Variants in NPLOC4 observed in about 807,000 individuals in gnomAD.
NPLOC4 encodes the protein NPL4 homolog, ubiquitin recognition factor.
NPLOC4 carries 18 observed loss-of-function variants against 80.6 expected under a neutral mutation model. The observed-to-expected ratio is 0.22, with a 90% CI of 0.15 to 0.33. NPLOC4 has a LOEUF of 0.33. NPLOC4 is among the 10% of genes least tolerant of loss of function. The pLI, the probability that NPLOC4 is intolerant of heterozygous loss-of-function variation, is 1.00. For synonymous variants in NPLOC4, 313 were observed against 301.5 expected, an observed-to-expected ratio of 1.04 and a Z score of -0.39; for missense variants, 540 against 786.1, an observed-to-expected ratio of 0.69 and a Z score of 3.74.
At position 81,573,807 on chromosome 17, in the gene NPLOC4, G is replaced by A. The variant is rs150833404; in HGVS notation, c.1282-1719C>T. Among the ~76,000 whole-genome samples, 376 of 152,196 alleles carry A rather than the reference G, an allele frequency of 2.5e-3. 2 individuals carry two copies. Among genetic ancestry groups the A allele is most frequent in the African/African-American group, 8.4e-3 (348 of 41,524 alleles). On this transcript the variant is annotated intron_variant, in intron 12 of 16. Transcript: ENST00000331134. The stretch of plus-strand genomic sequence containing the variant: ...AACCTGGACTCTATTTCCATTTCAC[G>A]TATTGCTCCCCGCCCCATCAAAGGC...
Position 81,577,128 on chromosome 17 carries a change from C to T in NPLOC4, c.1282-5040G>A, listed in dbSNP as rs973024108. 2.0e-5 allele frequency among the ~76,000 whole-genome samples: 3 copies of T among 152,156 alleles called. No individual in the cohort carries two copies. Among genetic ancestry groups the T allele is most frequent in the Non-Finnish European group, 4.4e-5 (3 of 68,024 alleles). On this transcript the variant is annotated intron_variant, in intron 12 of 16. Coordinates refer to ENST00000331134, the MANE Select transcript of NPLOC4 (RefSeq NM_017921.4). The surrounding 1 kb of genome is among the most constrained non-coding windows in gnomAD (Gnocchi z 4.3). ...GGCCACAGCAAGGGGCAGTGGGTTC[C>T]TCAGAGATACCCTCTGGCCCCTCCA...
chr17:81,597,556 G>A (rs758849943), intron 9 of NPLOC4, among the ~76,000 whole-genome samples: 6 of 151,850 alleles, frequency 4.0e-5, no homozygotes, highest in South Asian at 2.1e-4. Flanking sequence ...AGGCCGAGGC[G>A]GGTGGATCAC....
At chr17:81,578,412 C>T (rs1007057239) in intron 12 of NPLOC4, among the ~76,000 whole-genome samples, 3 of 152,236 alleles carry the variant, frequency 2.0e-5, no homozygotes, top group African/African-American at 7.2e-5. Context: ...CTCACCGTGG[C>T]GCCCCAGGCC....
intron 15 of NPLOC4, 55 bp from the exon 16 acceptor site, chr17:81,565,662 C>T (rs2033989248): frequency 1.5e-5 from 20 of 1,313,144 alleles, no homozygotes; most frequent in Non-Finnish European, 1.8e-5. Context: ...TGAGCAGCTT[C>T]CTGCTAGAAC....
rs2034136005 is a variant in NPLOC4 at position 81,570,590 on chromosome 17, C to G, written c.1353+1427G>C. Among the ~76,000 whole-genome samples, 3 of 152,332 alleles carry G rather than the reference C, an allele frequency of 2.0e-5. No individual in the cohort carries two copies. In the South Asian group the frequency reaches 6.2e-4, roughly 32 times the overall value. On this transcript the variant is annotated intron_variant, in intron 13 of 16. Transcript: ENST00000331134. The stretch of plus-strand genomic sequence containing the variant: ...CCATCCCAGATGTCCCAAGGAAGGG[C>G]ATCAGCTCCCATCTTACACTGAAGC...
chr17:81,568,442 A>G (rs1202098745), intron 14 of NPLOC4, among the ~76,000 whole-genome samples: 1 of 152,232 alleles, frequency 6.6e-6, no homozygotes, highest in Non-Finnish European at 1.5e-5. Context: ...AGAAAACCTC[A>G]TTATAGACAT....
chr17:81,622,410 T>C, intron 2 of NPLOC4, 132 bp from the exon 3 acceptor site: 1 of 702,870 alleles, frequency 1.4e-6, no homozygotes, highest in Admixed American at 2.7e-5. Context: ...AAATTCCTCT[T>C]GCTATTTTGC....
intron 16 of NPLOC4, chr17:81,560,928 T>C (rs2033832331): frequency 6.6e-6 from 1 of 152,148 alleles, no homozygotes; most frequent in Non-Finnish European, 1.5e-5. Context: ...CGGCTTCTCA[T>C]GTTTTAATTT....
intron 11 of NPLOC4, 33 bp downstream of exon 11, chr17:81,596,073 AACGAGGTGGT>A: frequency 6.3e-7 from 1 of 1,575,486 alleles, no homozygotes. Context: ...AAAATATATT[AACGAGGTGGT>A]AATATTTACA....
intron 13 of NPLOC4, among the ~76,000 whole-genome samples, chr17:81,570,637 G>A (rs981334626): frequency 3.3e-5 from 5 of 152,154 alleles, no homozygotes; most frequent in African/African-American, 1.2e-4. Context: ...CCTACCCATC[G>A]TCTATCAGCC....
intron 2 of NPLOC4, among the ~76,000 whole-genome samples, chr17:81,624,492 G>A (rs184031734): frequency 1.1e-4 from 16 of 152,206 alleles, no homozygotes; most frequent in Admixed American, 7.9e-4. Context: ...CCAGCTAGTC[G>A]GTGGGCTGAG....
At chr17:81,559,608 T>C (rs2033779614) in intron 16 of NPLOC4, among the ~76,000 whole-genome samples, 192 bp from the exon 17 acceptor site, 1 of 152,090 alleles carries the variant, frequency 6.6e-6, no homozygotes, top group Admixed American at 6.5e-5. Context: ...GAAAAATGCC[T>C]CCTGCACCAC....
chr17:81,608,146 C>T (rs1054994777), intron 6 of NPLOC4, among the ~76,000 whole-genome samples: 1 of 152,212 alleles, frequency 6.6e-6, no homozygotes, highest in East Asian at 1.9e-4. Flanking sequence ...TTAGTGGCTG[C>T]AGCCCCTGCT....
At chr17:81,597,582 C>T (rs955044114) in intron 9 of NPLOC4, among the ~76,000 whole-genome samples, 4 of 151,018 alleles carry the variant, frequency 2.6e-5, no homozygotes, top group Non-Finnish European at 5.9e-5. Flanking sequence ...GTCGGGAGTT[C>T]GAGACCAGCC....
At position 81,629,752 on chromosome 17, in the gene NPLOC4, T is replaced by C; in HGVS notation, c.69A>G (p.Arg23=). ...TTTTCAAAAATGTTGCTGCTGTTTC[T>C]CTCTTTGTTGCTGTGATCCGCTTCA... ...DGVKRITATK[R]ETAATFLKKV... Residue 23 remains arginine (R), a synonymous_variant, in exon 2 of 17, where the codon AGA becomes AGG. Transcript: ENST00000331134. 2.5e-6 allele frequency: 4 copies of C among 1,613,888 alleles called. No homozygotes were observed. Among genetic ancestry groups the C allele is most frequent in the East Asian group, 2.2e-5 (1 of 44,882 alleles).
intron 16 of NPLOC4, among the ~76,000 whole-genome samples, chr17:81,561,178 G>A (rs1050041352): frequency 5.3e-5 from 8 of 151,960 alleles, no homozygotes; most frequent in Non-Finnish European, 1.2e-4. Flanking sequence ...TGGCTGTCTC[G>A]AACTCCTGAC....
chr17:81,622,842 T>C (rs1051366412), intron 2 of NPLOC4, among the ~76,000 whole-genome samples: 1 of 151,104 alleles, frequency 6.6e-6, no homozygotes, highest in Non-Finnish European at 1.5e-5. Context: ...TGAGCCACCA[T>C]GCATGGCCAA....
intron 2 of NPLOC4, among the ~76,000 whole-genome samples, chr17:81,629,119 C>T (rs1416358217): frequency 6.6e-6 from 1 of 151,932 alleles, no homozygotes; most frequent in Non-Finnish European, 1.5e-5. Flanking sequence ...ACCTTGTGAT[C>T]CGCCCGCCTC....
Position 81,580,688 on chromosome 17 carries a change from G to T in NPLOC4, c.1281+8256C>A, listed in dbSNP as rs762637213. ...CACTCCAAGCTTCTCTACCCGTTCC[G>T]CTGGGGTGGCCCACCTCCCCTGCTG... On this transcript the variant is annotated intron_variant, in intron 12 of 16. Transcript: ENST00000331134. This position sits in a 1 kb window ranked among gnomAD's most constrained non-coding sequence, Gnocchi z 4.4. 3.3e-5 allele frequency among the ~76,000 whole-genome samples: 5 copies of T among 152,182 alleles called. No individual in the cohort carries two copies. Among genetic ancestry groups the T allele is most frequent in the Non-Finnish European group, 5.9e-5 (4 of 68,030 alleles).
Sources: allele counts gnomAD v4.1 joint callset (sites outside exome capture counted in the v4.1 genomes callset), GRCh38; gene constraint gnomAD v4.1.1; non-coding constraint Gnocchi (gnomAD v3.1); transcripts MANE v1.5; gene names NCBI Gene and HGNC (gene_info 2026-07-23, HGNC 2026-07-21).